ZMYND11: variants seen among roughly 807,000 people sequenced by gnomAD.
The protein encoded by ZMYND11 is zinc finger MYND domain-containing protein 11.
ZMYND11 carries 9 observed loss-of-function variants against 84.9 expected under a neutral mutation model. The observed-to-expected ratio is 0.11, with a 90% CI of 0.06 to 0.18. ZMYND11 has a LOEUF of 0.18. Among genes scored for constraint, ZMYND11 ranks in the 10% least tolerant of loss-of-function variants. The pLI is 1.00. For missense variants in ZMYND11, 409 were observed against 761.0 expected (o/e 0.54, Z 5.44); for synonymous variants, 250 against 244.1 (o/e 1.02, Z -0.23).
At chr10:162,643 TTATTA>T (rs1554762347) in intron 1 of ZMYND11, among the ~76,000 whole-genome samples, 1 of 152,198 alleles carries the variant, frequency 6.6e-6, no homozygotes, top group African/African-American at 2.4e-5. Flanking sequence ...CTGATATCAT[TTATTA>T]TATTAATGTA....
At chr10:145,523 A>G (rs1838612771) in intron 1 of ZMYND11, among the ~76,000 whole-genome samples, 4 of 152,184 alleles carry the variant, frequency 2.6e-5, no homozygotes, top group Admixed American at 2.6e-4. Context: ...CATTCTCGTA[A>G]GCATTCTCTT....
At chr10:138,982 G>A (rs553936296) in intron 1 of ZMYND11, among the ~76,000 whole-genome samples, 5 of 152,016 alleles carry the variant, frequency 3.3e-5, no homozygotes, top group Non-Finnish European at 7.4e-5. Flanking sequence ...ATAGGCGCCC[G>A]CCACTGTGCC....
intron 1 of ZMYND11, among the ~76,000 whole-genome samples, chr10:170,373 C>T (rs1554765315): frequency 6.6e-6 from 1 of 151,464 alleles, no homozygotes; most frequent in Non-Finnish European, 1.5e-5. Context: ...TTTTTTCTTC[C>T]TACTAACAGA....
chr10:192,562 AT>A (rs1940729892), intron 2 of ZMYND11, among the ~76,000 whole-genome samples: 1 of 152,202 alleles, frequency 6.6e-6, no homozygotes, highest in African/African-American at 2.4e-5. Flanking sequence ...ACTACAAGGA[AT>A]TTGTTGGTCT....
At chr10:170,380 CAG>C (rs77457801) in intron 1 of ZMYND11, among the ~76,000 whole-genome samples, 2,714 of 151,832 alleles carry the variant, frequency 0.018, 47 homozygotes, top group East Asian at 0.045. Flanking sequence ...TTCCTACTAA[CAG>C]ATAATTTTTT....
At chr10:220,787 TTA>T (rs377212320) in intron 3 of ZMYND11, among the ~76,000 whole-genome samples, 1 of 151,790 alleles carries the variant, frequency 6.6e-6, no homozygotes, top group Non-Finnish European at 1.5e-5. Context: ...TCAAGGACTG[TTA>T]TATATATATA....
chr10:236,735 C>G (rs544855177), intron 4 of ZMYND11, 103 bp from the exon 5 acceptor site: 193 of 979,128 alleles, frequency 2.0e-4, no homozygotes, highest in Non-Finnish European at 1.2e-4. Flanking sequence ...TTTTAGTAAA[C>G]TCTTTGCATA....
chr10:141,812 G>A (rs915824171), intron 1 of ZMYND11, among the ~76,000 whole-genome samples: 3 of 152,134 alleles, frequency 2.0e-5, no homozygotes, highest in Non-Finnish European at 4.4e-5. Context: ...TAGGTTAAGA[G>A]CAAAGGATCT....
chr10:213,727 T>G (rs1160701392), intron 3 of ZMYND11, among the ~76,000 whole-genome samples: 2 of 152,198 alleles, frequency 1.3e-5, no homozygotes, highest in Non-Finnish European at 2.9e-5. Flanking sequence ...GAGTCTGGAC[T>G]CTTGTCTTCA....
At chr10:220,612 C>G (rs1033790694) in intron 3 of ZMYND11, among the ~76,000 whole-genome samples, 3 of 152,108 alleles carry the variant, frequency 2.0e-5, no homozygotes, top group African/African-American at 7.2e-5. Flanking sequence ...TTCACAGTTT[C>G]AATTTATTTT....
intron 2 of ZMYND11, among the ~76,000 whole-genome samples, chr10:198,755 C>T (rs1416984438): frequency 6.6e-6 from 1 of 152,140 alleles, no homozygotes; most frequent in East Asian, 1.9e-4. Flanking sequence ...TTGCATATTG[C>T]ATGTTCTTTC....
chr10:151,278 G>A (rs1283070872), intron 1 of ZMYND11, among the ~76,000 whole-genome samples: 3 of 152,180 alleles, frequency 2.0e-5, no homozygotes, highest in African/African-American at 4.8e-5. Flanking sequence ...AGCTAAAGGA[G>A]GAAGTTCGAA....
In ZMYND11 at chr10:189,520, ATTGT is replaced by A. The variant is rs200561194; in HGVS notation, c.116+9395_116+9398del. On this transcript the variant is annotated intron_variant, in intron 2 of 14. Coordinates refer to ENST00000381604, the MANE Select transcript of ZMYND11 (RefSeq NM_001370100.5). ...TGTATTCTCATTTCCATCTATATTG[ATTGT>A]TTCTTACATATCTTATTATGAAACC... Among the ~76,000 whole-genome samples, 271 of 152,256 alleles carry A rather than the reference ATTGT, an allele frequency of 1.8e-3. 3 individuals are homozygous for A. In the East Asian group the frequency reaches 0.02, roughly 11 times the overall value.
chr10:168,290 TA>T (rs1169843251), intron 1 of ZMYND11, among the ~76,000 whole-genome samples: 4 of 151,702 alleles, frequency 2.6e-5, no homozygotes, highest in East Asian at 1.9e-4. Context: ...CCAAACACAT[TA>T]AAAAAAACTA....
At chr10:243,869 AAATAAT>A (rs549944183) in intron 10 of ZMYND11, among the ~76,000 whole-genome samples, 14 of 152,276 alleles carry the variant, frequency 9.2e-5, no homozygotes, top group East Asian at 3.9e-4. Context: ...CGTCTCAAAA[AAATAAT>A]AATAATAATG....
chr10:196,067 G>A (rs1192558106), intron 2 of ZMYND11, among the ~76,000 whole-genome samples: 2 of 152,124 alleles, frequency 1.3e-5, no homozygotes, highest in Non-Finnish European at 2.9e-5. Flanking sequence ...CAGGTCTATT[G>A]ATGACCCATT....
intron 10 of ZMYND11, 82 bp downstream of exon 10, chr10:242,221 T>C: frequency 1.3e-6 from 2 of 1,523,930 alleles, no homozygotes; most frequent in Non-Finnish European, 1.8e-6. Flanking sequence ...CCATCAGAGA[T>C]GCATGAAGTT....
chr10:240,157 T>A, intron 8 of ZMYND11, 46 bp downstream of exon 8: 7 of 1,410,512 alleles, frequency 5.0e-6, no homozygotes, highest in Non-Finnish European at 6.8e-6. Flanking sequence ...TAACTGAAAT[T>A]AATTTATTTC....
intron 1 of ZMYND11, among the ~76,000 whole-genome samples, chr10:158,513 G>A (rs868972822): frequency 2.4e-4 from 36 of 151,294 alleles, no homozygotes; most frequent in African/African-American, 8.5e-4. Flanking sequence ...TTGCTTCTGG[G>A]CTCAAGTGAT....
Sources: allele counts gnomAD v4.1 joint callset (sites outside exome capture counted in the v4.1 genomes callset), GRCh38; gene constraint gnomAD v4.1.1; transcripts MANE v1.5; gene names NCBI Gene and HGNC (gene_info 2026-07-23, HGNC 2026-07-21).